The following PLCB4 variants were observed in gnomAD, a reference collection of about 807,000 sequenced individuals.
The protein encoded by PLCB4 is 1-phosphatidylinositol 4,5-bisphosphate phosphodiesterase beta-4.
PLCB4 carries 77 observed loss-of-function variants against 178.8 expected under a neutral mutation model. The observed-to-expected ratio is 0.43, with a 90% CI of 0.36 to 0.52. The LOEUF (loss-of-function observed/expected upper bound fraction) is 0.52, where lower values mean the gene tolerates loss of function less well. PLCB4 is among the 20% of genes least tolerant of loss of function. The probability of loss-of-function intolerance (pLI) is 0.00; values close to 1 mark genes in which losing one functional copy is unlikely to be tolerated. For missense variants in PLCB4, 1,024 were observed against 1,453.4 expected (o/e 0.70, Z 4.80); for synonymous variants, 496 against 490.8 (o/e 1.01, Z -0.14).
intron 2 of PLCB4, among the ~76,000 whole-genome samples, chr20:9,109,853 A>G (rs1400760885): frequency 6.6e-6 from 1 of 152,128 alleles, no homozygotes; most frequent in African/African-American, 2.4e-5. Flanking sequence ...TCTTCTGGAA[A>G]TTGTCATCTG....
At chr20:9,378,141 A>G (rs2036832463) in intron 12 of PLCB4, among the ~76,000 whole-genome samples, 1 of 152,016 alleles carries the variant, frequency 6.6e-6, no homozygotes, top group Non-Finnish European at 1.5e-5. Flanking sequence ...CTCCTTTCCT[A>G]ATTTTATCTC....
intron 4 of PLCB4, among the ~76,000 whole-genome samples, chr20:9,333,136 A>G (rs2031942635): frequency 6.6e-6 from 1 of 152,184 alleles, no homozygotes; most frequent in African/African-American, 2.4e-5. Context: ...GCCTGCTGCA[A>G]AATCTTTTAT....
chr20:9,230,347 A>C (rs944324222), intron 3 of PLCB4, among the ~76,000 whole-genome samples: 23 of 152,088 alleles, frequency 1.5e-4, no homozygotes, highest in African/African-American at 5.6e-4. Flanking sequence ...GTGGGGGATA[A>C]AATTTTGTCC....
chr20:9,371,372 T>C, intron 10 of PLCB4, 77 bp downstream of exon 10: 2 of 769,734 alleles, frequency 2.6e-6, no homozygotes, highest in South Asian at 3.2e-5. Flanking sequence ...GCTAGATTAT[T>C]TATATTAAAC....
intron 35 of PLCB4, among the ~76,000 whole-genome samples, chr20:9,460,642 C>A (rs1166823991): frequency 6.6e-6 from 1 of 152,208 alleles, no homozygotes; most frequent in Non-Finnish European, 1.5e-5. Context: ...TTGCAGCTTG[C>A]TTGGTTCTCA....
At chr20:9,405,768 A>G (rs2039390084) in intron 21 of PLCB4, among the ~76,000 whole-genome samples, 1 of 152,206 alleles carries the variant, frequency 6.6e-6, no homozygotes, top group South Asian at 2.1e-4. Flanking sequence ...AGGTAAAGTT[A>G]CATTTTCACT....
chr20:9,345,781 C>CA (rs1172011761), intron 7 of PLCB4, among the ~76,000 whole-genome samples: 3 of 152,026 alleles, frequency 2.0e-5, no homozygotes, highest in African/African-American at 7.3e-5. Flanking sequence ...AATTAAATTA[C>CA]AAAAATATTA....
intron 7 of PLCB4, among the ~76,000 whole-genome samples, chr20:9,342,725 G>A (rs1445707577): frequency 6.6e-6 from 1 of 150,992 alleles, no homozygotes; most frequent in Non-Finnish European, 1.5e-5. Context: ...TCTTTAAGGT[G>A]GATCTGAGAC....
chr20:9,185,310 G>GT (rs11481220), intron 2 of PLCB4, among the ~76,000 whole-genome samples: 12,357 of 149,762 alleles, frequency 0.083, 1,140 homozygotes, highest in African/African-American at 0.23. Flanking sequence ...ATTTTCTATA[G>GT]TTTTTTTTTT....
chr20:9,098,547 G>C (rs867083247), intron 2 of PLCB4, among the ~76,000 whole-genome samples: 3 of 151,660 alleles, frequency 2.0e-5, no homozygotes, highest in East Asian at 3.9e-4. Context: ...GAGCCCAGGA[G>C]GCTGTGGAGT....
intron 7 of PLCB4, 75 bp downstream of exon 7, chr20:9,339,112 T>C (rs2032872937): frequency 9.5e-7 from 1 of 1,047,192 alleles, no homozygotes; most frequent in South Asian, 1.6e-5. Context: ...ATGCGTGCTA[T>C]ATTTTTATAT....
chr20:9,455,677 A>G (rs1349046605), intron 33 of PLCB4, among the ~76,000 whole-genome samples: 1 of 152,212 alleles, frequency 6.6e-6, no homozygotes, highest in East Asian at 1.9e-4. Context: ...CTCTGCTGTC[A>G]AACGCAGCAC....
At chr20:9,384,545 G>T in intron 14 of PLCB4, 134 bp downstream of exon 14, 1 of 646,636 alleles carries the variant, frequency 1.5e-6, no homozygotes, top group Non-Finnish European at 2.7e-6. Flanking sequence ...GATTATCATG[G>T]TCATTTAACG....
chr20:9,311,187 C>T (rs1285856159), intron 4 of PLCB4, among the ~76,000 whole-genome samples: 1 of 152,168 alleles, frequency 6.6e-6, no homozygotes, highest in Non-Finnish European at 1.5e-5. Context: ...AGGTCAGGGC[C>T]TTCCCAGTCT....
At position 9,129,399 on chromosome 20, in the gene PLCB4, C is replaced by G. The variant is rs1600608933; in HGVS notation, c.-79+33057C>G. Among the ~76,000 whole-genome samples, 8 of 152,306 alleles carry G rather than the reference C, an allele frequency of 5.3e-5. 1 individual carries two copies. ...CGAGTTCCCCAGTGGGATCAGACCG[C>G]AGTTACCCTTGGTGGTAATCTGCTT... is the stretch of plus-strand genomic sequence containing the variant. On this transcript the variant is annotated intron_variant, in intron 2 of 39. Coordinates refer to ENST00000378473, the MANE Select transcript of PLCB4 (RefSeq NM_001377142.1).
At chr20:9,297,378 G>T (rs912896334) in intron 3 of PLCB4, among the ~76,000 whole-genome samples, 45 of 152,054 alleles carry the variant, frequency 3.0e-4, no homozygotes, top group African/African-American at 9.9e-4. Context: ...GAAAGGGTCA[G>T]AGTGGGGTGA....
At chr20:9,286,412 T>C (rs1459393543) in intron 3 of PLCB4, among the ~76,000 whole-genome samples, 1 of 151,966 alleles carries the variant, frequency 6.6e-6, no homozygotes, top group Non-Finnish European at 1.5e-5. Flanking sequence ...GTTTGGAAGG[T>C]AATAATTAGG....
intron 28 of PLCB4, among the ~76,000 whole-genome samples, chr20:9,434,498 C>T (rs1437559064): frequency 6.6e-6 from 1 of 152,174 alleles, no homozygotes; most frequent in African/African-American, 2.4e-5. Context: ...GCCTCAGCTT[C>T]TCAAGTAGCT....
intron 19 of PLCB4, among the ~76,000 whole-genome samples, chr20:9,399,351 A>G (rs1354935983): frequency 6.6e-6 from 1 of 152,204 alleles, no homozygotes; most frequent in African/African-American, 2.4e-5. Context: ...TGCCTCAGTA[A>G]TACTTGGCTT....
Sources: gnomAD v4.1 joint callset for allele counts (sites outside exome capture counted in the v4.1 genomes callset) on GRCh38, gnomAD v4.1.1 for gene constraint, MANE v1.5 for transcripts, NCBI Gene and HGNC (gene_info 2026-07-23, HGNC 2026-07-21) for gene names.